The following CACHD1 variants were observed in gnomAD, a reference collection of about 807,000 sequenced individuals.
CACHD1 encodes VWFA and cache domain-containing protein 1.
A neutral mutation model predicts 138.7 loss-of-function variants in CACHD1; 71 were observed. That is an observed-to-expected ratio of 0.51 (90% CI 0.42 to 0.62). The LOEUF is 0.62. CACHD1 is among the 20% of genes least tolerant of loss of function. The probability of loss-of-function intolerance (pLI) is 0.00; values close to 1 mark genes in which losing one functional copy is unlikely to be tolerated. For missense variants in CACHD1, 1,389 were observed against 1,625.3 expected, an observed-to-expected ratio of 0.85 and a Z score of 2.50; for synonymous variants, 578 against 591.5, an observed-to-expected ratio of 0.98 and a Z score of 0.33.
intron 4 of CACHD1, among the ~76,000 whole-genome samples, chr1:64,608,564 C>T (rs1187136146): frequency 6.6e-6 from 1 of 152,180 alleles, no homozygotes; most frequent in Non-Finnish European, 1.5e-5. Flanking sequence ...AAAACTGGGT[C>T]GTGTGTCCAT....
intron 1 of CACHD1, among the ~76,000 whole-genome samples, chr1:64,513,193 G>A (rs1265928739): frequency 6.6e-6 from 1 of 152,154 alleles, no homozygotes. Flanking sequence ...GACATGTGAC[G>A]ATGGCAGGGG....
intron 2 of CACHD1, among the ~76,000 whole-genome samples, chr1:64,570,969 G>A (rs1392078834): frequency 6.6e-6 from 1 of 151,954 alleles, no homozygotes; most frequent in Non-Finnish European, 1.5e-5. Flanking sequence ...ACAGCTATAT[G>A]CCTGCATTGT....
At chr1:64,596,772 A>G (rs1311222253) in intron 3 of CACHD1, among the ~76,000 whole-genome samples, 2 of 152,302 alleles carry the variant, frequency 1.3e-5, no homozygotes, top group East Asian at 3.9e-4. Context: ...GCAAACAAGT[A>G]AAGAATATTC....
chr1:64,679,825 G>T (rs966307119), intron 24 of CACHD1, 69 bp downstream of exon 24: 1 of 1,548,944 alleles, frequency 6.5e-7, no homozygotes, highest in Non-Finnish European at 8.8e-7. Context: ...GGTTGTGTAA[G>T]CCTCTAAGGA....
chr1:64,552,185 T>G (rs1456958440), intron 2 of CACHD1, among the ~76,000 whole-genome samples: 1 of 152,166 alleles, frequency 6.6e-6, no homozygotes, highest in Admixed American at 6.6e-5. Context: ...GATGTCATTT[T>G]TTATTTATCT....
chr1:64,618,353 C>A (rs1647787437), intron 4 of CACHD1, among the ~76,000 whole-genome samples: 2 of 152,068 alleles, frequency 1.3e-5, no homozygotes, highest in African/African-American at 4.8e-5. Context: ...ATGCCATGGC[C>A]CCTTTCCACA....
chr1:64,477,789 C>G (rs1264941378), intron 1 of CACHD1, among the ~76,000 whole-genome samples: 2 of 150,824 alleles, frequency 1.3e-5, no homozygotes, highest in African/African-American at 2.4e-5. Flanking sequence ...CGCCTGCCAC[C>G]GCGCCCGGCT....
At chr1:64,535,028 T>C (rs1646620592) in intron 1 of CACHD1, among the ~76,000 whole-genome samples, 1 of 152,208 alleles carries the variant, frequency 6.6e-6, no homozygotes, top group Non-Finnish European at 1.5e-5. Context: ...ACTTTTCAGG[T>C]TGGTTAAGGC....
At chr1:64,689,632 C>T (rs17126884) in intron 26 of CACHD1, among the ~76,000 whole-genome samples, 9,320 of 152,144 alleles carry the variant, frequency 0.061, 351 homozygotes, top group African/African-American at 0.1. Flanking sequence ...TGCTACTCTT[C>T]GGCACGGGCT....
chr1:64,476,513 C>A (rs774122807), intron 1 of CACHD1, among the ~76,000 whole-genome samples: 2 of 152,198 alleles, frequency 1.3e-5, no homozygotes, highest in Non-Finnish European at 2.9e-5. Flanking sequence ...TGATTTGATT[C>A]TACGCCTTGT....
At chr1:64,531,661 A>G (rs145691343) in intron 1 of CACHD1, among the ~76,000 whole-genome samples, 1 of 152,182 alleles carries the variant, frequency 6.6e-6, no homozygotes, top group African/African-American at 2.4e-5. Flanking sequence ...CTACCTACAG[A>G]TGTGTTTAGA....
chr1:64,515,910 C>G (rs533117073), intron 1 of CACHD1, among the ~76,000 whole-genome samples: 1 of 152,222 alleles, frequency 6.6e-6, no homozygotes, highest in East Asian at 1.9e-4. Context: ...GCTCTACTTC[C>G]TAAACTTGAA....
chr1:64,509,015 G>T (rs1471997784), intron 1 of CACHD1, among the ~76,000 whole-genome samples: 1 of 152,222 alleles, frequency 6.6e-6, no homozygotes, highest in East Asian at 1.9e-4. Context: ...AAGGAAAAAG[G>T]TCTTTTTTTC....
chr1:64,481,373 G>A (rs970308059), intron 1 of CACHD1, among the ~76,000 whole-genome samples: 8 of 152,128 alleles, frequency 5.3e-5, no homozygotes, highest in Admixed American at 4.6e-4. Context: ...GTGGAAGGAC[G>A]GTGAAAATTG....
chr1:64,682,054 T>A lies in CACHD1; in HGVS notation c.3534T>A (p.Ser1178Arg), dbSNP rs767256342. The change falls in exon 26 of 27, where the codon AGT becomes AGA. Residue 1178 changes from serine (S) to arginine (R), a missense_variant. By Grantham distance (110) the Ser-to-Arg change is moderately radical. This residue lies in a region of CACHD1 where 250 missense variants were observed against 292.9 expected (regional missense o/e 0.85). Transcript: ENST00000651257. ...IAAVIERHAHSPERRRRYWGR... is the reference protein window; with the variant it reads ...IAAVIERHAHRPERRRRYWGR... Reference sequence around the variant, plus strand: ...CGGTCATCGAACGACATGCACACAGTCCAGAAAGAAGGCGCCGCTACTGGG... The same window carrying A: ...CGGTCATCGAACGACATGCACACAGACCAGAAAGAAGGCGCCGCTACTGGG... The A allele has an allele frequency of 6.2e-7, 1 of 1,613,974 alleles. No homozygotes were observed. The highest frequency in any genetic ancestry group is 8.5e-7 in the Non-Finnish European group (1 of 1,179,994).
intron 1 of CACHD1, among the ~76,000 whole-genome samples, chr1:64,507,386 A>G (rs2100339144): frequency 6.6e-6 from 1 of 152,332 alleles, no homozygotes; most frequent in South Asian, 2.1e-4. Context: ...GTTGGAGGCC[A>G]CAGTTGAGAC....
At chr1:64,689,215 A>T (rs981811720) in intron 26 of CACHD1, among the ~76,000 whole-genome samples, 1 of 152,158 alleles carries the variant, frequency 6.6e-6, no homozygotes, top group Non-Finnish European at 1.5e-5. Context: ...TGCAGATGAC[A>T]CTTCTGAGAT....
chr1:64,532,185 G>A (rs1646592547), intron 1 of CACHD1, among the ~76,000 whole-genome samples: 1 of 152,326 alleles, frequency 6.6e-6, no homozygotes, highest in East Asian at 1.9e-4. Context: ...GTAGCAGAGA[G>A]AGACTCTTCG....
intron 4 of CACHD1, among the ~76,000 whole-genome samples, chr1:64,609,055 T>C (rs988784171): frequency 5.3e-5 from 8 of 152,216 alleles, no homozygotes; most frequent in Non-Finnish European, 1.0e-4. Context: ...TTATAAGTCA[T>C]GTTACAGAGG....
Sources: allele counts gnomAD v4.1 joint callset (sites outside exome capture counted in the v4.1 genomes callset), GRCh38; gene constraint gnomAD v4.1.1; regional missense constraint gnomAD v4.1.1; transcripts MANE v1.5; gene names NCBI Gene and HGNC (gene_info 2026-07-23, HGNC 2026-07-21).